The following CNGA1 variants were observed in gnomAD, a reference collection of about 807,000 sequenced individuals.
CNGA1 encodes the protein cyclic nucleotide gated channel subunit alpha 1.
CNGA1 carries 53 observed loss-of-function variants against 69.7 expected under a neutral mutation model. The observed-to-expected ratio is 0.76, with a 90% CI of 0.61 to 0.96. The LOEUF is 0.96. Ranked by LOEUF, CNGA1 falls within the 40% of genes least tolerant of loss-of-function variation. The pLI is 0.00. For missense variants in CNGA1, 739 were observed against 811.2 expected (o/e 0.91, Z 1.08); for synonymous variants, 249 against 283.5 (o/e 0.88, Z 1.22).
intron 3 of CNGA1, among the ~76,000 whole-genome samples, chr4:47,962,331 G>A (rs1398570717): frequency 1.5e-5 from 2 of 131,724 alleles, no homozygotes; most frequent in African/African-American, 2.7e-5. Context: ...GCAACAGAGC[G>A]AGACTCTGTC....
chr4:48,000,595 C>T (rs112706822), intron 2 of CNGA1, among the ~76,000 whole-genome samples: 17,259 of 151,958 alleles, frequency 0.11, 1,578 homozygotes, highest in East Asian at 0.32. Flanking sequence ...CTTGAACTCC[C>T]GACCTCAGGT....
At chr4:48,008,235 T>C (rs1005506981) in intron 2 of CNGA1, among the ~76,000 whole-genome samples, 2 of 152,190 alleles carry the variant, frequency 1.3e-5, no homozygotes, top group African/African-American at 2.4e-5. Context: ...ATTCATGACA[T>C]GCTTGGACTT....
intron 2 of CNGA1, among the ~76,000 whole-genome samples, chr4:48,000,366 C>G (rs1038670992): frequency 1.4e-5 from 2 of 145,164 alleles, no homozygotes; most frequent in Admixed American, 6.9e-5. Flanking sequence ...CAATTACTAA[C>G]AATAAGTGTT....
At chr4:47,990,612 C>T (rs1742215520) in intron 2 of CNGA1, among the ~76,000 whole-genome samples, 1 of 152,062 alleles carries the variant, frequency 6.6e-6, no homozygotes, top group Non-Finnish European at 1.5e-5. Context: ...TGACCTACTC[C>T]CTGTTTGTAC....
chr4:48,015,862 T>G (rs915339366), intron 1 of CNGA1, among the ~76,000 whole-genome samples: 1 of 152,154 alleles, frequency 6.6e-6, no homozygotes, highest in Admixed American at 6.5e-5. Context: ...CCTCCCAAAG[T>G]GCTGTGATTA....
At chr4:47,983,592 AAAC>A (rs943870676) in intron 2 of CNGA1, among the ~76,000 whole-genome samples, 18 of 151,580 alleles carry the variant, frequency 1.2e-4, no homozygotes, top group East Asian at 9.9e-4. Context: ...TTTGTCTCAA[AAAC>A]AACAACAACA....
Position 47,936,696 on chromosome 4 carries a change from T to C in CNGA1, c.1786A>G (p.Lys596Glu). The C allele has an allele frequency of 6.2e-7, 1 of 1,614,170 alleles. No individual in the cohort carries two copies. The highest frequency in any genetic ancestry group is 8.5e-7 in the Non-Finnish European group (1 of 1,180,020). Residue 596 changes from lysine to glutamate, a missense_variant, in exon 11 of 11, where the codon AAG becomes GAG. Coordinates refer to ENST00000514170, the MANE Select transcript of CNGA1 (RefSeq NM_001379270.1). ...DAKTMLEEKG[K>E]QILMKDGLLD... ...AGACCATCTTTCATTAAAATCTGCTTCCCTTTCTCTTCCAGCATAGTTTTG... is the reference window on the plus strand; with the variant it reads ...AGACCATCTTTCATTAAAATCTGCTCCCCTTTCTCTTCCAGCATAGTTTTG...
rs530287846 is a variant in CNGA1 at position 48,011,333 on chromosome 4, C to T, written c.-222-440G>A. 1.3e-3 allele frequency among the ~76,000 whole-genome samples: 197 copies of T among 146,770 alleles called. 1 individual carries two copies. The highest frequency in any genetic ancestry group is 2.3e-3 in the Non-Finnish European group (153 of 66,304). The stretch of plus-strand genomic sequence containing the variant: ...TTACTAAAAAAAAAAAAGACAAGGT[C>T]CTGGGAGAGAAAAAAAACAAAACAA... On this transcript the variant is annotated intron_variant, in intron 1 of 10. Coordinates refer to ENST00000514170, the MANE Select transcript of CNGA1 (RefSeq NM_001379270.1).
chr4:47,949,070 A>G (rs1475612471), intron 6 of CNGA1, among the ~76,000 whole-genome samples: 2 of 152,222 alleles, frequency 1.3e-5, no homozygotes, highest in African/African-American at 2.4e-5. Flanking sequence ...AATTTTCTAT[A>G]TAAACAAAAT....
At chr4:47,993,601 T>C (rs767209301) in intron 2 of CNGA1, among the ~76,000 whole-genome samples, 3 of 152,236 alleles carry the variant, frequency 2.0e-5, no homozygotes, top group African/African-American at 4.8e-5. Context: ...ATCTTGCTCA[T>C]GGTCTATCAA....
intron 3 of CNGA1, among the ~76,000 whole-genome samples, chr4:47,954,219 T>A (rs1739923825): frequency 6.6e-6 from 1 of 151,974 alleles, no homozygotes; most frequent in African/African-American, 2.4e-5. Context: ...CCCACACCCC[T>A]CCACCTTCCC....
chr4:47,990,142 C>T (rs1356252339), intron 2 of CNGA1, among the ~76,000 whole-genome samples: 2 of 151,934 alleles, frequency 1.3e-5, no homozygotes, highest in African/African-American at 2.4e-5. Flanking sequence ...ATCAGTGCAC[C>T]CTGAAAAAGA....
chr4:48,006,884 A>G (rs1261741654), intron 2 of CNGA1, among the ~76,000 whole-genome samples: 2 of 152,196 alleles, frequency 1.3e-5, no homozygotes, highest in East Asian at 3.8e-4. Flanking sequence ...TGGCCTCCCA[A>G]AATGCTTGAA....
chr4:47,948,118 A>G (rs1353175324), intron 6 of CNGA1, among the ~76,000 whole-genome samples: 1 of 152,170 alleles, frequency 6.6e-6, no homozygotes, highest in Non-Finnish European at 1.5e-5. Context: ...TTAGGGGCAT[A>G]TGAAGCATGA....
chr4:47,977,921 G>A (rs1020194589), intron 3 of CNGA1, among the ~76,000 whole-genome samples: 1 of 151,488 alleles, frequency 6.6e-6, no homozygotes, highest in Non-Finnish European at 1.5e-5. Flanking sequence ...CTGCCTCCCT[G>A]GTTCAAGCAA....
chr4:47,973,365 C>T (rs1419196626), intron 3 of CNGA1, among the ~76,000 whole-genome samples: 1 of 152,116 alleles, frequency 6.6e-6, no homozygotes, highest in Non-Finnish European at 1.5e-5. Flanking sequence ...CGTGAACCAC[C>T]GCGTCCGGTC....
intron 2 of CNGA1, among the ~76,000 whole-genome samples, chr4:48,010,212 T>C (rs181763074): frequency 1.3e-5 from 2 of 152,314 alleles, no homozygotes; most frequent in Non-Finnish European, 2.9e-5. Flanking sequence ...AAATCAAACA[T>C]AAAATTATAG....
Position 48,005,828 on chromosome 4 carries a change from A to T in CNGA1, c.-123+4966T>A, listed in dbSNP as rs1714892985. On this transcript the variant is annotated intron_variant, in intron 2 of 10. Coordinates refer to ENST00000514170, the MANE Select transcript of CNGA1 (RefSeq NM_001379270.1). ...CCTCGGTAAAGTAACTAGTTTCTCC[A>T]ATTGTGTCCTGTTACAAATGAAAAC... is the stretch of plus-strand genomic sequence containing the variant. Among the ~76,000 whole-genome samples, 3 of 152,254 alleles carry T rather than the reference A, an allele frequency of 2.0e-5. No homozygotes were observed. The South Asian group carries it at 6.2e-4, about 32-fold the overall frequency.
chr4:47,948,879 TG>T (rs1336088789), intron 6 of CNGA1, among the ~76,000 whole-genome samples: 1 of 152,138 alleles, frequency 6.6e-6, no homozygotes, highest in Non-Finnish European at 1.5e-5. Flanking sequence ...GCAGATGTGC[TG>T]GCTAAGGGTG....
Sources: gnomAD v4.1 joint callset for allele counts (sites outside exome capture counted in the v4.1 genomes callset) on GRCh38, gnomAD v4.1.1 for gene constraint, MANE v1.5 for transcripts, NCBI Gene and HGNC (gene_info 2026-07-23, HGNC 2026-07-21) for gene names.